SYNJ2: variants seen among roughly 807,000 people sequenced by gnomAD.
SYNJ2 encodes synaptojanin 2, also known as polyphosphatidylinositol phosphatase SYNJ2.
In SYNJ2, 116 loss-of-function variants were observed where a neutral mutation model predicts 141.3. The ratio of observed to expected loss-of-function variants is 0.82; its 90% CI spans 0.71 to 0.96. The LOEUF (loss-of-function observed/expected upper bound fraction) is 0.96. Ranked by LOEUF, SYNJ2 falls within the 40% of genes least tolerant of loss-of-function variation. SYNJ2 has a pLI of 0.00. For synonymous variants in SYNJ2, 745 were observed against 777.7 expected (o/e 0.96, Z 0.70); for missense variants, 1,873 against 1,934.8 (o/e 0.97, Z 0.60).
At chr6:158,031,007 A>C (rs1420011245) in intron 3 of SYNJ2, 1 of 152,248 alleles carries the variant, frequency 6.6e-6, no homozygotes, top group Non-Finnish European at 1.5e-5. Flanking sequence ...CTGCATTTCT[A>C]ATAAGCTGCC....
chr6:158,079,479 T>G (rs1782540581), intron 18 of SYNJ2: 1 of 151,760 alleles, frequency 6.6e-6, no homozygotes, highest in Admixed American at 6.6e-5. Flanking sequence ...TATAAGTGAT[T>G]TTCATGTCTC....
intron 22 of SYNJ2, 86 bp from the exon 23 acceptor site, chr6:158,086,769 C>A: frequency 1.4e-6 from 2 of 1,465,866 alleles, no homozygotes; most frequent in Non-Finnish European, 1.8e-6. Context: ...CCCCCTGCCA[C>A]AGTCGGCCTC....
chr6:158,090,542 G>GTTTTTTTTT (rs58356198), intron 25 of SYNJ2, among the ~76,000 whole-genome samples: 15 of 113,934 alleles, frequency 1.3e-4, no homozygotes, highest in Non-Finnish European at 2.0e-4. Context: ...TTTTTTTTTT[G>GTTTTTTTTT]TTTTTTTTTT....
intron 4 of SYNJ2, among the ~76,000 whole-genome samples, chr6:158,038,864 CG>C (rs1779780864): frequency 6.6e-6 from 1 of 152,030 alleles, no homozygotes; most frequent in Non-Finnish European, 1.5e-5. Context: ...CAGGGAGAAG[CG>C]TGTGCTGCGC....
chr6:158,001,309 A>G (rs1777844904), intron 1 of SYNJ2: 1 of 151,574 alleles, frequency 6.6e-6, no homozygotes, highest in Non-Finnish European at 1.5e-5. Context: ...ACATCTCCTC[A>G]AGCCTTTCAC....
chr6:158,010,735 A>C (rs1180739740), intron 1 of SYNJ2, among the ~76,000 whole-genome samples: 2 of 152,210 alleles, frequency 1.3e-5, no homozygotes, highest in African/African-American at 2.4e-5. Flanking sequence ...CCCTTAATCC[A>C]GTGTGACTGC....
chr6:158,028,715 C>T (rs755001557), intron 2 of SYNJ2, 41 bp from the exon 3 acceptor site: 12 of 1,597,232 alleles, frequency 7.5e-6, no homozygotes, highest in African/African-American at 1.3e-5. Context: ...GCGGCCGGGC[C>T]GACTTCGACC....
At chr6:158,085,580 G>A (rs1408620431) in intron 22 of SYNJ2, among the ~76,000 whole-genome samples, 2 of 152,176 alleles carry the variant, frequency 1.3e-5, no homozygotes, top group African/African-American at 2.4e-5. Flanking sequence ...CTCAGGGAGG[G>A]TACTTTGCCA....
intron 5 of SYNJ2, among the ~76,000 whole-genome samples, chr6:158,049,543 C>T (rs7738073): frequency 0.51 from 76,998 of 151,982 alleles, 19,857 homozygotes; most frequent in Admixed American, 0.6. Context: ...TTCCACCTGC[C>T]TAAAAGAAGC....
chr6:157,988,597 C>CT lies in SYNJ2; in HGVS notation c.127+6514dup, dbSNP rs530226115. Among the ~76,000 whole-genome samples, 24 of 152,228 alleles carry CT rather than the reference C, an allele frequency of 1.6e-4. No individual in the cohort carries two copies. The East Asian group carries it at 4.6e-3, about 29-fold the overall frequency. On this transcript the variant is annotated intron_variant, in intron 1 of 26. Coordinates refer to ENST00000355585, the MANE Select transcript of SYNJ2 (RefSeq NM_003898.4). ...TGGGGTGCTCAGGGTCCCCTTTGTG[C>CT]TTTTTGGCTGCTCAGTTTCTGTTGC...
intron 6 of SYNJ2, among the ~76,000 whole-genome samples, chr6:158,055,505 G>A (rs1009379964): frequency 1.8e-5 from 2 of 112,496 alleles, no homozygotes; most frequent in Admixed American, 8.9e-5. Context: ...GGCATTTTAT[G>A]TGTGTGTGTG....
intron 1 of SYNJ2, among the ~76,000 whole-genome samples, chr6:157,995,659 A>C (rs577919047): frequency 6.6e-6 from 1 of 152,244 alleles, no homozygotes; most frequent in Non-Finnish European, 1.5e-5. Context: ...GGACACATGC[A>C]TGCACACACA....
chr6:157,999,046 A>G (rs1777738627), intron 1 of SYNJ2, among the ~76,000 whole-genome samples: 1 of 152,264 alleles, frequency 6.6e-6, no homozygotes, highest in South Asian at 2.1e-4. Flanking sequence ...AACATAGAAA[A>G]AGGCCAAAGA....
At chr6:158,055,118 A>G in intron 6 of SYNJ2, 90 bp downstream of exon 6, 1 of 1,392,174 alleles carries the variant, frequency 7.2e-7, no homozygotes, top group Middle Eastern at 2.4e-4. Flanking sequence ...TGCGACGGGA[A>G]AGGGAGGACC....
chr6:158,008,247 AC>A (rs1778143561), intron 1 of SYNJ2, among the ~76,000 whole-genome samples: 2 of 152,236 alleles, frequency 1.3e-5, no homozygotes, highest in Non-Finnish European at 2.9e-5. Context: ...TGCTGGGATT[AC>A]AGGCATGAGC....
chr6:158,034,248 T>C (rs1198005385), intron 4 of SYNJ2, among the ~76,000 whole-genome samples: 1 of 152,210 alleles, frequency 6.6e-6, no homozygotes, highest in Non-Finnish European at 1.5e-5. Context: ...TTTCCAGAGA[T>C]GCTGTCTTAC....
At chr6:158,036,472 G>A (rs993481891) in intron 4 of SYNJ2, among the ~76,000 whole-genome samples, 10 of 152,306 alleles carry the variant, frequency 6.6e-5, no homozygotes, top group South Asian at 2.1e-4. Flanking sequence ...CCAGCAACAC[G>A]GATGCAGCTG....
chr6:158,023,264 T>TAA (rs112882268), intron 2 of SYNJ2, among the ~76,000 whole-genome samples: 41 of 125,368 alleles, frequency 3.3e-4, no homozygotes, highest in South Asian at 7.6e-4. Context: ...TCTCTAAATT[T>TAA]AAAAAAAAAA....
chr6:158,072,564 G>A (rs1782001461), intron 15 of SYNJ2, among the ~76,000 whole-genome samples: 1 of 152,136 alleles, frequency 6.6e-6, no homozygotes, highest in African/African-American at 2.4e-5. Flanking sequence ...TCTTCCCTGT[G>A]AGAACAGATC....
Sources: allele counts gnomAD v4.1 joint callset (sites outside exome capture counted in the v4.1 genomes callset), GRCh38; gene constraint gnomAD v4.1.1; transcripts MANE v1.5; gene names NCBI Gene and HGNC (gene_info 2026-07-23, HGNC 2026-07-21).